EYA4: variants seen among roughly 807,000 people sequenced by gnomAD.
The protein encoded by EYA4 is protein phosphatase EYA4.
A neutral mutation model predicts 87.9 loss-of-function variants in EYA4; 31 were observed. That is an observed-to-expected ratio of 0.35 (90% CI 0.27 to 0.48). The LOEUF (loss-of-function observed/expected upper bound fraction) is 0.48. Ranked by LOEUF, EYA4 falls within the 20% of genes least tolerant of loss-of-function variation. The pLI is 0.99. For synonymous variants in EYA4, 263 were observed against 270.6 expected (o/e 0.97, Z 0.28); for missense variants, 678 against 761.4 (o/e 0.89, Z 1.29).
At chr6:133,420,978 C>A (rs141412517) in intron 3 of EYA4, among the ~76,000 whole-genome samples, 1 of 152,204 alleles carries the variant, frequency 6.6e-6, no homozygotes, top group Non-Finnish European at 1.5e-5. Context: ...TTTTCACTTA[C>A]TACTGTTACT....
chr6:133,385,824 C>T (rs1404881967), intron 3 of EYA4, among the ~76,000 whole-genome samples: 1 of 152,122 alleles, frequency 6.6e-6, no homozygotes, highest in Non-Finnish European at 1.5e-5. Flanking sequence ...AATGCTTGGG[C>T]TGCAGATGTA....
chr6:133,508,028 G>A (rs1029002448), intron 14 of EYA4, among the ~76,000 whole-genome samples: 1 of 151,964 alleles, frequency 6.6e-6, no homozygotes, highest in Non-Finnish European at 1.5e-5. Context: ...AAATGACAAG[G>A]TCTTAAATCC....
In EYA4 at chr6:133,529,531, CA is replaced by C. The variant is rs749389761; in HGVS notation, c.*737del. ...AATCTCTGTAGATAATGAAAAAAAA[CA>C]AAAAAAAAAACCTTTGTGATGATTC... is the stretch of plus-strand genomic sequence containing the variant. On this transcript the variant is annotated 3_prime_UTR_variant, in exon 20 of 20. Transcript: ENST00000355286. The C allele has an allele frequency of 3.1e-3, 2,377 of 767,124 alleles. 5 individuals carry two copies. Among genetic ancestry groups the C allele is most frequent in the African/African-American group, 9.8e-3 (494 of 50,574 alleles). 47.5% of individuals were successfully genotyped at this position (767,124 alleles called of 1,614,324 possible).
intron 1 of EYA4, among the ~76,000 whole-genome samples, chr6:133,252,993 A>T (rs12194636): frequency 0.19 from 26,145 of 141,012 alleles, 2,502 homozygotes; most frequent in African/African-American, 0.23. Context: ...ACACACACTC[A>T]CTCTCTCTCT....
At chr6:133,397,134 T>A (rs1787874408) in intron 3 of EYA4, among the ~76,000 whole-genome samples, 3 of 152,230 alleles carry the variant, frequency 2.0e-5, no homozygotes, top group African/African-American at 2.4e-5. Context: ...AACCATGGCA[T>A]GGCTGCCCAG....
At chr6:133,498,833 T>C (rs1221706703) in intron 13 of EYA4, among the ~76,000 whole-genome samples, 2 of 152,206 alleles carry the variant, frequency 1.3e-5, no homozygotes, top group Non-Finnish European at 2.9e-5. Context: ...TTGCTACCTA[T>C]TGTCTCCCCT....
chr6:133,335,845 G>A (rs1386322496), intron 2 of EYA4, among the ~76,000 whole-genome samples: 2 of 152,112 alleles, frequency 1.3e-5, no homozygotes, highest in East Asian at 3.9e-4. Flanking sequence ...TTTTGTCTTT[G>A]TCCCTAGAGC....
At chr6:133,305,139 A>G (rs1180820193) in intron 2 of EYA4, among the ~76,000 whole-genome samples, 1 of 152,144 alleles carries the variant, frequency 6.6e-6, no homozygotes, top group Non-Finnish European at 1.5e-5. Context: ...CCCAAATTTA[A>G]TGCCTGACAT....
chr6:133,447,002 GCTTT>G (rs1792913076), intron 4 of EYA4, among the ~76,000 whole-genome samples: 1 of 152,074 alleles, frequency 6.6e-6, no homozygotes, highest in Non-Finnish European at 1.5e-5. Context: ...CTTGAACAAG[GCTTT>G]CTTTTTGTAT....
intron 13 of EYA4, among the ~76,000 whole-genome samples, chr6:133,486,139 T>C (rs953704127): frequency 6.6e-6 from 1 of 152,240 alleles, no homozygotes; most frequent in African/African-American, 2.4e-5. Flanking sequence ...GGCTATATTT[T>C]TTTTAATAAA....
chr6:133,476,479 C>A (rs1276681547), intron 11 of EYA4, among the ~76,000 whole-genome samples: 1 of 152,070 alleles, frequency 6.6e-6, no homozygotes, highest in Non-Finnish European at 1.5e-5. Context: ...TTTTTGCACT[C>A]CACATATAAA....
chr6:133,415,411 C>G (rs1328049304), intron 3 of EYA4, among the ~76,000 whole-genome samples: 1 of 152,180 alleles, frequency 6.6e-6, no homozygotes, highest in Admixed American at 6.5e-5. Context: ...CCACTTCCTC[C>G]TCTTCTCTCA....
intron 2 of EYA4, among the ~76,000 whole-genome samples, chr6:133,372,794 A>G (rs1187879357): frequency 4.0e-5 from 6 of 151,710 alleles, no homozygotes; most frequent in Admixed American, 3.9e-4. Flanking sequence ...ATAGAGATAT[A>G]TGTTGTTAAA....
At chr6:133,372,829 G>A (rs1256101248) in intron 2 of EYA4, among the ~76,000 whole-genome samples, 1 of 151,562 alleles carries the variant, frequency 6.6e-6, no homozygotes, top group East Asian at 1.9e-4. Flanking sequence ...AAAATTTTGT[G>A]TGCATTCTAT....
intron 1 of EYA4, among the ~76,000 whole-genome samples, chr6:133,243,471 A>C (rs1420102984): frequency 6.6e-6 from 1 of 152,066 alleles, no homozygotes; most frequent in Non-Finnish European, 1.5e-5. Context: ...AGGAGCGTTT[A>C]ACAACCGCGG....
At chr6:133,476,765 C>T (rs569367813) in intron 11 of EYA4, among the ~76,000 whole-genome samples, 177 of 152,106 alleles carry the variant, frequency 1.2e-3, no homozygotes, top group Non-Finnish European at 1.4e-3. Context: ...TGATATATAC[C>T]CAGCGGTGTG....
At chr6:133,421,081 G>C (rs1790179466) in intron 3 of EYA4, among the ~76,000 whole-genome samples, 2 of 152,124 alleles carry the variant, frequency 1.3e-5, no homozygotes, top group Admixed American at 6.5e-5. Flanking sequence ...CCTCCATTTG[G>C]CTTCCTCTTA....
rs757295832 is a variant in EYA4, at chr6:133,515,357, A to G, written c.1538A>G (p.Gln513Arg). The part of the protein sequence containing the change: ...LGPAKRDAWL[Q>R]LRAEIEGLTD... ...CCTGCCAAGAGGGATGCCTGGCTAC[A>G]GTTAAGGGCAGAGATTGAAGGTCTG... The change falls in exon 17 of 20, where the codon CAG becomes CGG. Residue 513 changes from glutamine to arginine, a missense_variant. Coordinates refer to ENST00000355286, the MANE Select transcript of EYA4 (RefSeq NM_004100.5). 4.3e-6 allele frequency: 7 copies of G among 1,613,678 alleles called. No individual in the cohort carries two copies. The South Asian group carries it at 4.4e-5, about 10-fold the overall frequency.
At chr6:133,310,112 T>C (rs989237658) in intron 2 of EYA4, among the ~76,000 whole-genome samples, 1 of 152,212 alleles carries the variant, frequency 6.6e-6, no homozygotes, top group African/African-American at 2.4e-5. Context: ...TCAATTTTAC[T>C]TATTTGGCAA....
Sources: allele counts gnomAD v4.1 joint callset (sites outside exome capture counted in the v4.1 genomes callset), GRCh38; gene constraint gnomAD v4.1.1; transcripts MANE v1.5; gene names NCBI Gene and HGNC (gene_info 2026-07-23, HGNC 2026-07-21).